Variants in TIE1 observed in about 807,000 individuals in gnomAD.
TIE1 encodes tyrosine kinase with immunoglobulin like and EGF like domains 1.
TIE1 carries 89 observed loss-of-function variants against 130.5 expected under a neutral mutation model. The ratio of observed to expected loss-of-function variants is 0.68; its 90% CI spans 0.57 to 0.81. The LOEUF is 0.81. TIE1 is among the 40% of genes least tolerant of loss of function. TIE1 has a pLI of 0.00. For synonymous variants in TIE1, 568 were observed against 629.4 expected (o/e 0.90, Z 1.46); for missense variants, 1,392 against 1,559.8 (o/e 0.89, Z 1.81).
chr1:43,301,956 A>T (rs1242479253), intron 1 of TIE1, among the ~76,000 whole-genome samples: 1 of 152,230 alleles, frequency 6.6e-6, no homozygotes, highest in African/African-American at 2.4e-5. Context: ...CACTGCCATC[A>T]CTTTGATCCA....
At chr1:43,303,211 G>A (rs1421158655) in intron 1 of TIE1, among the ~76,000 whole-genome samples, 1 of 152,144 alleles carries the variant, frequency 6.6e-6, no homozygotes, top group Non-Finnish European at 1.5e-5. Flanking sequence ...GCTGTCCAGT[G>A]AGTCAGGGAG....
chr1:43,304,504 G>C (rs947621311), intron 1 of TIE1, among the ~76,000 whole-genome samples: 20 of 152,234 alleles, frequency 1.3e-4, no homozygotes, highest in Admixed American at 2.6e-4. Flanking sequence ...AGGGAGCATA[G>C]ATCATTCTTT....
Position 43,321,371 on chromosome 1 carries a change from G to A in TIE1, c.3149-25G>A, listed in dbSNP as rs148816461. On this transcript the variant is annotated intron_variant, in intron 20 of 22. Transcript: ENST00000372476. ...CTTACCCCACGTGGAGCCCTGGACC[G>A]AGAGCACTTTGTCCCCTCCTGCAGG... The A allele has an allele frequency of 2.0e-5, 33 of 1,613,772 alleles. No individual in the cohort carries two copies. In the East Asian group the frequency reaches 2.2e-4, roughly 11 times the overall value.
rs772797325 is a variant in TIE1, at chr1:43,318,092, G to A, written c.2922+20G>A. On this transcript the variant is annotated intron_variant, in intron 17 of 22. Coordinates refer to ENST00000372476, the MANE Select transcript of TIE1 (RefSeq NM_005424.5). This position sits in a 1 kb window ranked among gnomAD's most constrained non-coding sequence, Gnocchi z 4.4. ...AAGCAGGTGTGTGTGAGTGGGGGCG[G>A]GTGGAGGCCAGAGGGGGAAGCCACT... 5.9e-6 allele frequency: 9 copies of A among 1,523,116 alleles called. No individual in the cohort carries two copies. The highest frequency in any genetic ancestry group is 2.1e-5 in the Admixed American group (1 of 47,516). 94.4% of individuals were successfully genotyped at this position (1,523,116 alleles called of 1,614,324 possible). A position where few individuals can be genotyped will look rare whatever the true frequency, so the allele number is the denominator to read the frequency against.
rs184519363 is a variant in TIE1, at chr1:43,307,112, G to A, written c.641-30G>A. On this transcript the variant is annotated intron_variant, in intron 4 of 22. Coordinates refer to ENST00000372476, the MANE Select transcript of TIE1 (RefSeq NM_005424.5). This position sits in a 1 kb window ranked among gnomAD's most constrained non-coding sequence, Gnocchi z 5.4. ...CAGTCCTCAGTGGTCAGGTGGGTGAGGGTCAGCTGCTGAAGACACCTTCCT... is the reference window on the plus strand; with the variant it reads ...CAGTCCTCAGTGGTCAGGTGGGTGAAGGTCAGCTGCTGAAGACACCTTCCT... 227 of 1,613,798 alleles carry A rather than the reference G, an allele frequency of 1.4e-4. No homozygotes were observed. In the East Asian group the frequency reaches 4.5e-3, roughly 32 times the overall value.
In TIE1 at chr1:43,317,257, A is replaced by G. The variant is rs1436458490; in HGVS notation, c.2468A>G (p.Lys823Arg). ...ACCTTGACACTTACCCGGCGGCCAA[A>G]ACTGCAGCCCGAGCCCCTGAGCTAC... is the stretch of plus-strand genomic sequence containing the variant. ...SGTLTLTRRP[K>R]LQPEPLSYPV... The change falls in exon 15 of 23, where the codon AAA becomes AGA. Residue 823 changes from lysine (K) to arginine (R), a missense_variant. Physicochemically the swap from Lys to Arg is conservative, Grantham distance 26. Around this residue, in one of 6 missense-constraint regions of TIE1, gnomAD observed 286 missense variants for 354.4 expected, o/e 0.81. Coordinates refer to ENST00000372476, the MANE Select transcript of TIE1 (RefSeq NM_005424.5). The surrounding 1 kb of genome is among the most constrained non-coding windows in gnomAD (Gnocchi z 5.1). 6.2e-7 allele frequency: 1 copy of G among 1,614,086 alleles called. No individual in the cohort carries two copies. The highest frequency in any genetic ancestry group is 2.2e-5 in the East Asian group (1 of 44,866).
Position 43,304,882 on chromosome 1 carries a change from C to G in TIE1, c.90C>G (p.Asn30Lys). 3 of 1,425,484 alleles carry G rather than the reference C, an allele frequency of 2.1e-6. No individual in the cohort carries two copies. The highest frequency in any genetic ancestry group is 2.7e-6 in the Non-Finnish European group (3 of 1,095,594). The allele number at this position is 1,425,484 out of a possible 1,614,324, so 88.3% of individuals were successfully genotyped here. ...CGGTGGACCTGACGCTGCTGGCCAA[C>G]CTGCGGCTCACGGACCCCCAGCGCT... Reference protein sequence around the residue: ...GAAVDLTLLANLRLTDPQRFF... With the variant: ...GAAVDLTLLAKLRLTDPQRFF... Residue 30 changes from asparagine to lysine, a missense_variant, in exon 2 of 23, where the codon AAC becomes AAG. Transcript: ENST00000372476.
chr1:43,317,167 G>A lies in TIE1; in HGVS notation c.2410-32G>A. On this transcript the variant is annotated intron_variant, in intron 14 of 22. Coordinates refer to ENST00000372476, the MANE Select transcript of TIE1 (RefSeq NM_005424.5). This position sits in a 1 kb window ranked among gnomAD's most constrained non-coding sequence, Gnocchi z 5.1. ...TTCCGCCCCCTTTGACTCTTGCGTG[G>A]ACCGTCTGCCCTCTTGTCTCATCCT... 2.5e-6 allele frequency: 4 copies of A among 1,611,058 alleles called. No individual in the cohort carries two copies. Among genetic ancestry groups the A allele is most frequent in the Non-Finnish European group, 3.4e-6 (4 of 1,177,850 alleles).
intron 14 of TIE1, 162 bp downstream of exon 14, chr1:43,314,130 A>G (rs879028504): frequency 2.2e-6 from 2 of 897,630 alleles, no homozygotes; most frequent in South Asian, 2.9e-5. Context: ...ACAAAATATA[A>G]TTTTCTTTAT....
In TIE1 at chr1:43,306,817, C is replaced by G. The variant is rs368132496; in HGVS notation, c.485-23C>G. 1 of 1,592,326 alleles carries G rather than the reference C, an allele frequency of 6.3e-7. No homozygotes were observed. Among genetic ancestry groups the G allele is most frequent in the African/African-American group, 1.3e-5 (1 of 74,632 alleles). On this transcript the variant is annotated intron_variant, in intron 3 of 22. Coordinates refer to ENST00000372476, the MANE Select transcript of TIE1 (RefSeq NM_005424.5). The surrounding 1 kb of genome is among the most constrained non-coding windows in gnomAD (Gnocchi z 4.9). ...ACAGCCCTCATGTAGTGCTGAGGCC[C>G]CTGACACATTCATGTCCCCCAGGAT...
rs532252097 is a variant in TIE1, at chr1:43,309,509, G to A, written c.1310G>A (p.Arg437Gln). Residue 437 changes from arginine to glutamine, a missense_variant, in exon 9 of 23, where the codon CGG (arginine) becomes CAG (glutamine). Transcript: ENST00000372476. This position sits in a 1 kb window ranked among gnomAD's most constrained non-coding sequence, Gnocchi z 6.3. ...RVSTSGGQDS[R>Q]RFKVNVKVPP... is the part of the protein sequence containing the mutation. The stretch of plus-strand genomic sequence containing the variant: ...TCCACATCTGGCGGCCAAGACAGCC[G>A]GCGCTTCAAGGTCAATGTGAAAGGT... The A allele has an allele frequency of 2.1e-5, 34 of 1,593,860 alleles. 1 individual carries two copies. Among genetic ancestry groups the A allele is most frequent in the South Asian group, 1.7e-4 (15 of 87,142 alleles).
At position 43,311,727 on chromosome 1, in the gene TIE1, G is replaced by C. The variant is rs752116782; in HGVS notation, c.1390G>C (p.Val464Leu). The stretch of plus-strand genomic sequence containing the variant: ...CCTGACCAAGCAGAGCCGCCAGCTT[G>C]TGGTCTCCCCGCTGGTCTCGTTCTC... ...RLLTKQSRQLVVSPLVSFSGD... is the reference protein window; with the variant it reads ...RLLTKQSRQLLVSPLVSFSGD... The change falls in exon 10 of 23, where the codon GTG becomes CTG. Residue 464 changes from valine to leucine, a missense_variant. Around this residue, in one of 6 missense-constraint regions of TIE1, gnomAD observed 551 missense variants for 565.5 expected, o/e 0.97. Coordinates refer to ENST00000372476, the MANE Select transcript of TIE1 (RefSeq NM_005424.5). 1.9e-6 allele frequency: 3 copies of C among 1,613,984 alleles called. No individual in the cohort carries two copies. The Admixed American group carries it at 5.0e-5, about 27-fold the overall frequency.
chr1:43,320,952 G>A (rs1244892090), intron 19 of TIE1: 2 of 383,460 alleles, frequency 5.2e-6, no homozygotes, highest in Non-Finnish European at 9.4e-6. Flanking sequence ...ACTGAGGTGG[G>A]AGGACCACCT....
At chr1:43,302,168 C>T (rs1051658181) in intron 1 of TIE1, among the ~76,000 whole-genome samples, 12 of 152,158 alleles carry the variant, frequency 7.9e-5, no homozygotes, top group Admixed American at 2.6e-4. Context: ...TGAGCACCAA[C>T]AATATTCCAG....
chr1:43,312,427 T>G lies in TIE1; in HGVS notation c.1753T>G (p.Trp585Gly). ...LVGDGFLLRL[W>G]DGTRGQERRE... ...GGGCGACGGTTTCCTGCTGCGCCTG[T>G]GGGACGGGACACGGGGGCAGGAGCG... Residue 585 changes from tryptophan to glycine, a missense_variant, in exon 12 of 23, where the codon TGG (tryptophan) becomes GGG (glycine). Around this residue, in one of 6 missense-constraint regions of TIE1, gnomAD observed 551 missense variants for 565.5 expected, o/e 0.97. Coordinates refer to ENST00000372476, the MANE Select transcript of TIE1 (RefSeq NM_005424.5). This position sits in a 1 kb window ranked among gnomAD's most constrained non-coding sequence, Gnocchi z 5.6. 3 of 1,611,292 alleles carry G rather than the reference T, an allele frequency of 1.9e-6. No homozygotes were observed. The highest frequency in any genetic ancestry group is 2.5e-6 in the Non-Finnish European group (3 of 1,179,262).
chr1:43,320,997 C>CA (rs1646911330), intron 19 of TIE1: 3 of 509,356 alleles, frequency 5.9e-6, no homozygotes, highest in Non-Finnish European at 6.9e-6. Context: ...TAAGCCACTG[C>CA]ACTCCAGCCT....
intron 14 of TIE1, among the ~76,000 whole-genome samples, chr1:43,314,982 G>GCAACCTCACCCATTT (rs60940165): frequency 0.7 from 105,851 of 151,962 alleles, 37,582 homozygotes; most frequent in East Asian, 0.85. Context: ...GTGCTGGCCT[G>GCAACCTCACCCATTT]CTCCTTGAAA....
chr1:43,317,053 T>A lies in TIE1; in HGVS notation c.2410-146T>A, dbSNP rs920351106. On this transcript the variant is annotated intron_variant, in intron 14 of 22. Transcript: ENST00000372476. The surrounding 1 kb of genome is among the most constrained non-coding windows in gnomAD (Gnocchi z 5.1). ...GTTATGTCCTCTGTCTGCCTGTCTG[T>A]CCCTGGCTGACCACCAGGGTGCCCT... 5 of 772,416 alleles carry A rather than the reference T, an allele frequency of 6.5e-6. No individual in the cohort carries two copies. Among genetic ancestry groups the A allele is most frequent in the Non-Finnish European group, 9.0e-6 (4 of 445,488 alleles). 47.8% of individuals were successfully genotyped at this position (772,416 alleles called of 1,614,324 possible).
rs763543291 is a variant in TIE1, at chr1:43,307,010, G to A, written c.640+15G>A. 9.3e-6 allele frequency: 15 copies of A among 1,613,700 alleles called. No homozygotes were observed. Among genetic ancestry groups the A allele is most frequent in the Non-Finnish European group, 1.1e-5 (13 of 1,179,988 alleles). ...CATCGTGCGGGGTCAGAGGCAGAGG[G>A]CAGAGGTTGTGGGTAGGGTGGGAGG... On this transcript the variant is annotated intron_variant, in intron 4 of 22. Coordinates refer to ENST00000372476, the MANE Select transcript of TIE1 (RefSeq NM_005424.5). The surrounding 1 kb of genome is among the most constrained non-coding windows in gnomAD (Gnocchi z 5.4).
Sources: allele counts gnomAD v4.1 joint callset (sites outside exome capture counted in the v4.1 genomes callset), GRCh38; gene constraint gnomAD v4.1.1; regional missense constraint gnomAD v4.1.1; non-coding constraint Gnocchi (gnomAD v3.1); transcripts MANE v1.5; gene names NCBI Gene and HGNC (gene_info 2026-07-23, HGNC 2026-07-21).